Variants in FLI1 observed in about 807,000 individuals in gnomAD.
FLI1 encodes Friend leukemia integration 1 transcription factor.
FLI1 carries 13 observed loss-of-function variants against 53.1 expected under a neutral mutation model. The observed-to-expected ratio is 0.24, with a 90% CI of 0.16 to 0.39. FLI1 has a LOEUF of 0.39. Ranked by LOEUF, FLI1 falls within the 10% of genes least tolerant of loss-of-function variation. The pLI, the probability that FLI1 is intolerant of heterozygous loss-of-function variation, is 1.00. For synonymous variants in FLI1, 244 were observed against 236.7 expected (o/e 1.03, Z -0.28); for missense variants, 424 against 600.5 (o/e 0.71, Z 3.07).
At chr11:128,735,885 A>T (rs964499369) in intron 1 of FLI1, among the ~76,000 whole-genome samples, 1 of 152,242 alleles carries the variant, frequency 6.6e-6, no homozygotes, top group African/African-American at 2.4e-5. Flanking sequence ...GGCCTGATAA[A>T]TTGTTTAACT....
rs148373960 is a variant in FLI1 at position 128,765,922 on chromosome 11, A to C, written c.231-2196A>C. The stretch of plus-strand genomic sequence containing the variant: ...TGAAATGTGTGCTTCCATGTGGGTG[A>C]AGTATGTGTGTTCCATGTTGGAATG... On this transcript the variant is annotated intron_variant, in intron 2 of 8. Transcript: ENST00000527786. 3.2e-3 allele frequency among the ~76,000 whole-genome samples: 481 copies of C among 152,144 alleles called. 5 individuals are homozygous for C. Among genetic ancestry groups the C allele is most frequent in the African/African-American group, 0.011 (453 of 41,480 alleles).
At chr11:128,764,993 G>A (rs932377975) in intron 2 of FLI1, among the ~76,000 whole-genome samples, 19 of 151,882 alleles carry the variant, frequency 1.3e-4, no homozygotes, top group Non-Finnish European at 2.4e-4. Context: ...ACACCCTGGC[G>A]GGCGAGCGGC....
intron 1 of FLI1, among the ~76,000 whole-genome samples, chr11:128,729,031 G>A (rs989499647): frequency 6.6e-6 from 1 of 152,190 alleles, no homozygotes; most frequent in Non-Finnish European, 1.5e-5. Flanking sequence ...GGTTTAGAAA[G>A]AGCTGGCTGA....
chr11:128,786,744 A>G (rs183405486), intron 5 of FLI1, among the ~76,000 whole-genome samples: 10 of 152,332 alleles, frequency 6.6e-5, no homozygotes, highest in Admixed American at 3.9e-4. Context: ...CAATCAGCAC[A>G]TCTCTTCCTC....
At chr11:128,782,113 T>C in intron 5 of FLI1, 90 bp downstream of exon 5, 1 of 1,213,818 alleles carries the variant, frequency 8.2e-7, no homozygotes, top group Non-Finnish European at 1.2e-6. Flanking sequence ...GAAAACCAGC[T>C]TGCGTGTTCC....
intron 5 of FLI1, among the ~76,000 whole-genome samples, chr11:128,793,416 T>G (rs1159784187): frequency 1.3e-5 from 2 of 152,018 alleles, no homozygotes; most frequent in Non-Finnish European, 2.9e-5. Context: ...GAGGAGAAGG[T>G]TGGAGATGAA....
intron 1 of FLI1, among the ~76,000 whole-genome samples, chr11:128,741,158 C>T (rs1201343442): frequency 2.6e-5 from 4 of 152,210 alleles, no homozygotes; most frequent in African/African-American, 9.6e-5. Flanking sequence ...CTTTGGGAGG[C>T]TGAGGCGGGC....
chr11:128,808,739 A>G (rs1942857734), intron 7 of FLI1, among the ~76,000 whole-genome samples: 1 of 150,820 alleles, frequency 6.6e-6, no homozygotes, highest in South Asian at 2.1e-4. Context: ...AAAAAAAAAA[A>G]CAGATTAATA....
chr11:128,777,326 T>A (rs1429662972), intron 4 of FLI1, among the ~76,000 whole-genome samples: 6 of 124,316 alleles, frequency 4.8e-5, no homozygotes, highest in Admixed American at 4.4e-4. Flanking sequence ...TGTATGTCAA[T>A]CTGGGTCTGA....
At chr11:128,706,623 A>G (rs916816561) in intron 1 of FLI1, among the ~76,000 whole-genome samples, 2 of 152,150 alleles carry the variant, frequency 1.3e-5, no homozygotes, top group African/African-American at 4.8e-5. Context: ...TCATGCCCCC[A>G]AACACCACGC....
chr11:128,790,313 A>AG (rs1565501906), intron 5 of FLI1, among the ~76,000 whole-genome samples: 7 of 149,708 alleles, frequency 4.7e-5, no homozygotes, highest in South Asian at 4.2e-4. Flanking sequence ...GAGAGAGAGA[A>AG]AGAACGAGGG....
intron 1 of FLI1, among the ~76,000 whole-genome samples, chr11:128,739,042 AG>A (rs1180737996): frequency 1.3e-5 from 2 of 152,230 alleles, no homozygotes; most frequent in African/African-American, 2.4e-5. Context: ...GAACCTCAAA[AG>A]ATCATGTTTG....
chr11:128,748,309 G>A, intron 1 of FLI1: 1 of 960,764 alleles, frequency 1.0e-6, no homozygotes, highest in Non-Finnish European at 1.2e-6. Flanking sequence ...AAGGGGAAAG[G>A]CACTTGGGAG....
intron 1 of FLI1, among the ~76,000 whole-genome samples, chr11:128,740,421 ACT>A (rs1940084396): frequency 6.6e-6 from 1 of 152,230 alleles, no homozygotes; most frequent in South Asian, 2.1e-4. Flanking sequence ...ATCCTTAAAC[ACT>A]GTTGGCTCGC....
rs1448246958 is a variant in FLI1, at chr11:128,810,511, C to T, written c.882C>T (p.Ser294=). Residue 294 remains serine (S), a synonymous_variant, in exon 9 of 9, where the codon AGC becomes AGT. Coordinates refer to ENST00000527786, the MANE Select transcript of FLI1 (RefSeq NM_002017.5). This position sits in a 1 kb window ranked among gnomAD's most constrained non-coding sequence, Gnocchi z 6.6. ...TCCTCCTGGAGCTGCTCTCCGACAG[C>T]GCCAACGCCAGCTGTATCACCTGGG... ...WQFLLELLSD[S]ANASCITWEG... The T allele has an allele frequency of 1.9e-6, 3 of 1,607,660 alleles. No individual in the cohort carries two copies. Among genetic ancestry groups the T allele is most frequent in the Admixed American group, 1.7e-5 (1 of 59,130 alleles).
chr11:128,742,453 C>T (rs984420719), intron 1 of FLI1, among the ~76,000 whole-genome samples: 3 of 152,194 alleles, frequency 2.0e-5, no homozygotes, highest in African/African-American at 7.2e-5. Context: ...CCAGAGTGAC[C>T]TTTGCATGTT....
chr11:128,718,194 A>G (rs2135730673), intron 1 of FLI1, among the ~76,000 whole-genome samples: 1 of 152,308 alleles, frequency 6.6e-6, no homozygotes, highest in African/African-American at 2.4e-5. Context: ...AAACCCTATC[A>G]TGTCCGTTAA....
At chr11:128,690,612 G>C (rs755046409), upstream of FLI1, among the ~76,000 whole-genome samples, 1 of 152,242 alleles carries the variant, frequency 6.6e-6, no homozygotes, top group Non-Finnish European at 1.5e-5. Context: ...TGTCAAGTGC[G>C]AATGGTGCGA....
intron 5 of FLI1, among the ~76,000 whole-genome samples, chr11:128,787,919 G>A (rs779477334): frequency 1.1e-4 from 16 of 149,658 alleles, no homozygotes; most frequent in Non-Finnish European, 1.6e-4. Flanking sequence ...CCATTCTCCT[G>A]CCTCAGCCTC....
Sources: allele counts gnomAD v4.1 joint callset (sites outside exome capture counted in the v4.1 genomes callset), GRCh38; gene constraint gnomAD v4.1.1; non-coding constraint Gnocchi (gnomAD v3.1); transcripts MANE v1.5; gene names NCBI Gene and HGNC (gene_info 2026-07-23, HGNC 2026-07-21).